EPM2A: variants seen among roughly 807,000 people sequenced by gnomAD.
EPM2A encodes EPM2A glucan phosphatase, laforin.
A neutral mutation model predicts 26.5 loss-of-function variants in EPM2A; 21 were observed. The ratio of observed to expected loss-of-function variants is 0.79; its 90% CI spans 0.56 to 1.14. The LOEUF is 1.14. Among genes scored for constraint, EPM2A ranks in the 50% most tolerant of loss-of-function variants. The pLI is 0.00. For missense variants in EPM2A, 458 were observed against 440.8 expected (o/e 1.04, Z -0.35); for synonymous variants, 217 against 177.6 (o/e 1.22, Z -1.76).
intron 4 of EPM2A, chr6:145,491,178 C>T: frequency 4.1e-6 from 2 of 487,186 alleles, no homozygotes; most frequent in African/African-American, 2.0e-5. Flanking sequence ...CAAGGGCTTT[C>T]ATAATGAAGC....
At chr6:145,514,848 G>T (rs1297932243) in intron 2 of EPM2A, among the ~76,000 whole-genome samples, 1 of 152,094 alleles carries the variant, frequency 6.6e-6, no homozygotes, top group African/African-American at 2.4e-5. Context: ...AAATTTGAAG[G>T]CTCCACTGAC....
downstream of EPM2A, among the ~76,000 whole-genome samples, chr6:145,496,990 T>C (rs868602924): frequency 2.0e-5 from 3 of 152,186 alleles, no homozygotes; most frequent in Non-Finnish European, 4.4e-5. Context: ...CTTCCCTGCA[T>C]TGAGTTAGAA....
rs191849255 is a variant in EPM2A at position 145,646,706 on chromosome 6, C to A, written c.477-11220G>T. Among the ~76,000 whole-genome samples, 3 of 152,254 alleles carry A rather than the reference C, an allele frequency of 2.0e-5. No homozygotes were observed. The East Asian group carries it at 5.8e-4, about 29-fold the overall frequency. The stretch of plus-strand genomic sequence containing the variant: ...ATCTCACTGACATACATCGCTTTTA[C>A]TGTCATCTATATGCTGGTAAACTCC... On this transcript the variant is annotated intron_variant, in intron 2 of 3. Coordinates refer to ENST00000367519, the MANE Select transcript of EPM2A (RefSeq NM_005670.4).
At chr6:145,491,577 C>T (rs1307590896) in intron 4 of EPM2A, among the ~76,000 whole-genome samples, 1 of 152,066 alleles carries the variant, frequency 6.6e-6, no homozygotes, top group Non-Finnish European at 1.5e-5. Context: ...TTTATAGGCA[C>T]AGGATAGGGG....
chr6:145,655,300 T>C (rs1778191338), intron 2 of EPM2A, among the ~76,000 whole-genome samples: 1 of 152,166 alleles, frequency 6.6e-6, no homozygotes, highest in Non-Finnish European at 1.5e-5. Flanking sequence ...TCTGTCCAAA[T>C]GACCTAGAGA....
chr6:145,472,562 C>T (rs1216118984), intron 4 of EPM2A, among the ~76,000 whole-genome samples: 1 of 151,908 alleles, frequency 6.6e-6, no homozygotes, highest in Non-Finnish European at 1.5e-5. Flanking sequence ...CTGGGCCAAG[C>T]AGTATTCATG....
intron 4 of EPM2A, among the ~76,000 whole-genome samples, chr6:145,405,603 C>A (rs998664913): frequency 6.6e-6 from 1 of 152,046 alleles, no homozygotes; most frequent in African/African-American, 2.4e-5. Flanking sequence ...AATAAAGCAG[C>A]AGAAATATGC....
chr6:145,562,128 GA>G (rs71028361), intron 2 of EPM2A, among the ~76,000 whole-genome samples: 3,135 of 135,316 alleles, frequency 0.023, 49 homozygotes, highest in Middle Eastern at 0.029. Context: ...TTACAAAAAG[GA>G]AAAAAAAAAA....
intron 4 of EPM2A, among the ~76,000 whole-genome samples, chr6:145,423,828 G>A (rs1778819996): frequency 6.6e-6 from 1 of 152,104 alleles, no homozygotes; most frequent in South Asian, 2.1e-4. Context: ...AGATTAAGAG[G>A]GCAACTGAAT....
At chr6:145,672,410 T>C (rs1241149777) in intron 2 of EPM2A, among the ~76,000 whole-genome samples, 3 of 152,102 alleles carry the variant, frequency 2.0e-5, no homozygotes, top group African/African-American at 7.2e-5. Flanking sequence ...TTAACAGAGC[T>C]ACAACAAACA....
intron 4 of EPM2A, among the ~76,000 whole-genome samples, chr6:145,388,294 G>A (rs996591871): frequency 3.3e-5 from 5 of 151,948 alleles, no homozygotes; most frequent in East Asian, 3.9e-4. Flanking sequence ...CTTTTAGAAC[G>A]GCCCTCTCCT....
At chr6:145,724,415 A>T (rs1378198302) in intron 1 of EPM2A, among the ~76,000 whole-genome samples, 1 of 152,122 alleles carries the variant, frequency 6.6e-6, no homozygotes, top group Non-Finnish European at 1.5e-5. Flanking sequence ...AAGTTTGAAA[A>T]CTCAATATTG....
chr6:145,396,033 A>C (rs1314546873), intron 4 of EPM2A, among the ~76,000 whole-genome samples: 1 of 152,194 alleles, frequency 6.6e-6, no homozygotes, highest in East Asian at 1.9e-4. Context: ...TTTCAGCAAG[A>C]TCTAGAGCCA....
At chr6:145,471,567 C>G (rs1405211790) in intron 4 of EPM2A, among the ~76,000 whole-genome samples, 2 of 152,072 alleles carry the variant, frequency 1.3e-5, no homozygotes, top group Admixed American at 1.3e-4. Context: ...TTCCCCACTC[C>G]CCACTCCAGG....
rs754103102 is a variant in EPM2A, at chr6:145,432,021, T to C, written c.556-47924A>G. On this transcript the variant is annotated intron_variant, in intron 4 of 4. Transcript: ENST00000638717. ...TTATTCATCCATGAGAAGCAATCCC[T>C]TTTCTATTCAAGTTTTATCATGAGA... is the stretch of plus-strand genomic sequence containing the variant. 1.3e-5 allele frequency among the ~76,000 whole-genome samples: 2 copies of C among 152,224 alleles called. 1 individual carries two copies. The highest frequency in any genetic ancestry group is 4.1e-4 in the South Asian group (2 of 4,834).
chr6:145,667,604 G>A (rs1277595805), intron 2 of EPM2A, among the ~76,000 whole-genome samples: 1 of 151,244 alleles, frequency 6.6e-6, no homozygotes, highest in Admixed American at 6.6e-5. Context: ...AAGTCAGTGT[G>A]GCGATTCCTC....
intron 2 of EPM2A, among the ~76,000 whole-genome samples, chr6:145,582,017 C>T (rs1781121182): frequency 6.6e-6 from 1 of 151,020 alleles, no homozygotes; most frequent in African/African-American, 2.4e-5. Flanking sequence ...TAAGGTTCCT[C>T]TATGTGTGAT....
chr6:145,559,234 G>A (rs1780772599), intron 2 of EPM2A, among the ~76,000 whole-genome samples: 1 of 152,112 alleles, frequency 6.6e-6, no homozygotes, highest in Admixed American at 6.6e-5. Context: ...GGGAAATAGA[G>A]AGAAGGTGAA....
chr6:145,505,707 G>A (rs1190726309), intron 2 of EPM2A, among the ~76,000 whole-genome samples: 4 of 152,180 alleles, frequency 2.6e-5, no homozygotes, highest in African/African-American at 9.6e-5. Flanking sequence ...AATATGAAAT[G>A]AGATTCAGTC....
Sources: allele counts gnomAD v4.1 joint callset (sites outside exome capture counted in the v4.1 genomes callset), GRCh38; gene constraint gnomAD v4.1.1; transcripts MANE v1.5; gene names NCBI Gene and HGNC (gene_info 2026-07-23, HGNC 2026-07-21).